TRIL: variants seen among roughly 807,000 people sequenced by gnomAD.
The protein encoded by TRIL is TLR4 interactor with leucine rich repeats.
Under a neutral mutation model 43.0 loss-of-function variants are expected in TRIL, and 23 were observed. The observed-to-expected ratio is 0.54, with a 90% confidence interval of 0.39 to 0.76. TRIL has a LOEUF of 0.76. Among genes scored for constraint, TRIL ranks in the 30% least tolerant of loss-of-function variants. The pLI, the probability that TRIL is intolerant of heterozygous loss-of-function variation, is 0.00. For synonymous variants in TRIL, 602 were observed against 556.8 expected (o/e 1.08, Z -1.14); for missense variants, 1,114 against 1,139.3 (o/e 0.98, Z 0.32).
chr7:28,958,011 C>T lies in TRIL; in HGVS notation c.36G>A (p.Val12=), dbSNP rs1335315090. ...GCGGGAGCGCGAGGCAGCCGCACAC[C>T]ACGAGCAGGAGGCGCAAGGCGCGGG... ...EAARALRLLL[V]VCGCLALPPL... Residue 12 remains valine, a synonymous_variant, in exon 1 of 1, where the codon GTG becomes GTA. Transcript: ENST00000539664. The T allele has an allele frequency of 6.3e-6, 10 of 1,590,100 alleles. No homozygotes were observed. Among genetic ancestry groups the T allele is most frequent in the African/African-American group, 1.3e-5 (1 of 74,608 alleles).
chr7:28,958,189 T>G lies in TRIL; in HGVS notation c.-143A>C. On this transcript the variant is annotated 5_prime_UTR_variant, in exon 1 of 1. Coordinates refer to ENST00000539664, the MANE Select transcript of TRIL (RefSeq NM_014817.4). ...GCGCCGTCCAGCCCCTCCTCCGTCC[T>G]TTGTCCGGAGGCCGGCCCGGGTCTC... 1 of 1,234,068 alleles carries G rather than the reference T, an allele frequency of 8.1e-7. No homozygotes were observed. Among genetic ancestry groups the G allele is most frequent in the Non-Finnish European group, 1.1e-6 (1 of 925,614 alleles). 76.4% of individuals were successfully genotyped at this position (1,234,068 alleles called of 1,614,324 possible). A position where few individuals can be genotyped will look rare whatever the true frequency, so the allele number is the denominator to read the frequency against.
In TRIL at chr7:28,957,429, G is replaced by A; in HGVS notation, c.618C>T (p.Arg206=). 6.2e-7 allele frequency: 1 copy of A among 1,613,496 alleles called. No homozygotes were observed. Among genetic ancestry groups the A allele is most frequent in the South Asian group, 1.1e-5 (1 of 91,090 alleles). Residue 206 remains arginine (R), a synonymous_variant, in exon 1 of 1, where the codon CGC becomes CGT. Transcript: ENST00000539664. ...GCTCGTTGGCAGAGAGGTTGAGGAA[G>A]CGCAGCTTGCCTAGCTGGGCGAAGG... is the stretch of plus-strand genomic sequence containing the variant. ...KNAFAQLGKL[R]FLNLSANELQ...
Position 28,958,197 on chromosome 7 carries a change from G to A in TRIL, c.-151C>T, listed in dbSNP as rs947064942. ...CAGCCCCTCCTCCGTCCTTTGTCCGGAGGCCGGCCCGGGTCTCTGCAGGCG... is the reference window on the plus strand; with the variant it reads ...CAGCCCCTCCTCCGTCCTTTGTCCGAAGGCCGGCCCGGGTCTCTGCAGGCG... On this transcript the variant is annotated 5_prime_UTR_variant, in exon 1 of 1. Transcript: ENST00000539664. The A allele has an allele frequency of 2.2e-5, 27 of 1,201,248 alleles. No individual in the cohort carries two copies. Among genetic ancestry groups the A allele is most frequent in the African/African-American group, 3.2e-5 (2 of 61,598 alleles). 74.4% of individuals were successfully genotyped at this position (1,201,248 alleles called of 1,614,324 possible).
In TRIL at chr7:28,956,604, G is replaced by A. The variant is rs1006521; in HGVS notation, c.1443C>T (p.Ala481=). ...AARELVGNRS[A]LRLSRRGPGL... ...CCGGGCCCCGCCGACTCAGCCTTAG[G>A]GCGCTGCGGTTGCCTACCAGCTCCC... is the stretch of plus-strand genomic sequence containing the variant. Residue 481 remains alanine, a synonymous_variant, in exon 1 of 1, where the codon GCC becomes GCT. Transcript: ENST00000539664. 0.62 allele frequency: 980,745 copies of A among 1,570,696 alleles called. 311,623 individuals carry two copies. The highest frequency in any genetic ancestry group is 0.66 in the Non-Finnish European group (767,414 of 1,165,182).
rs576122972 is a variant in TRIL at position 28,956,044 on chromosome 7, C to T, written c.2003G>A (p.Arg668His). 29 of 1,549,996 alleles carry T rather than the reference C, an allele frequency of 1.9e-5. No homozygotes were observed. In the South Asian group the frequency reaches 3.1e-4, roughly 16 times the overall value. The change falls in exon 1 of 1, where the codon CGT (arginine) becomes CAT (histidine). Residue 668 changes from arginine (R) to histidine (H), a missense_variant. Arg to His is a conservative substitution (Grantham distance 29). Coordinates refer to ENST00000539664, the MANE Select transcript of TRIL (RefSeq NM_014817.4). ...GTCCCGGGGAGCCACAGGGCAGACA[C>T]GGCCCCCAAGCACGCCCTCCACGCA... is the stretch of plus-strand genomic sequence containing the variant. The part of the protein sequence containing the change: ...LVCVEGVLGG[R>H]VCPVAPRDHC...
Position 28,957,031 on chromosome 7 carries a change from G to T in TRIL, c.1016C>A (p.Ala339Asp). 1 of 1,580,584 alleles carries T rather than the reference G, an allele frequency of 6.3e-7. No homozygotes were observed. Among genetic ancestry groups the T allele is most frequent in the Non-Finnish European group, 8.6e-7 (1 of 1,166,052 alleles). The change falls in exon 1 of 1, where the codon GCC becomes GAC. Residue 339 changes from alanine (A) to aspartate (D), a missense_variant. By Grantham distance (126) the Ala-to-Asp change is moderately radical. Coordinates refer to ENST00000539664, the MANE Select transcript of TRIL (RefSeq NM_014817.4). ...GGCGGCGAAGATGTCCCCGGATAGG[G>T]CGCTGAGCGCGTTGTTGCGCAGGCT... ...ELSLRNNALS[A>D]LSGDIFAASP...
At position 28,958,301 on chromosome 7, in the gene TRIL, T is replaced by C. The variant is rs1011200741; in HGVS notation, c.-255A>G. 1 of 452,628 alleles carries C rather than the reference T, an allele frequency of 2.2e-6. No homozygotes were observed. Among genetic ancestry groups the C allele is most frequent in the Non-Finnish European group, 3.9e-6 (1 of 255,320 alleles). The allele number at this position is 452,628 out of a possible 1,614,324, so 28.0% of individuals were successfully genotyped here. The stretch of plus-strand genomic sequence containing the variant: ...TACTTGTTGCATTTCTGTATAAAAC[T>C]GTTTCTCCGGGTGCGCGTCGGCGGG... On this transcript the variant is annotated 5_prime_UTR_variant, in exon 1 of 1. Coordinates refer to ENST00000539664, the MANE Select transcript of TRIL (RefSeq NM_014817.4).
rs1583884371 is a variant in TRIL, at chr7:28,955,750, C to G, written c.2297G>C (p.Arg766Pro). 1 of 1,550,348 alleles carries G rather than the reference C, an allele frequency of 6.5e-7. No homozygotes were observed. The highest frequency in any genetic ancestry group is 8.7e-7 in the Non-Finnish European group (1 of 1,146,880). ...SADFSGFQSHRPRTTVCALSE... is the reference protein window; with the variant it reads ...SADFSGFQSHPPRTTVCALSE... ...GAGCGCGCACACGGTGGTGCGTGGC[C>G]GGTGCGACTGGAATCCCGAGAAGTC... Residue 766 changes from arginine to proline, a missense_variant, in exon 1 of 1, where the codon CGG (arginine) becomes CCG (proline). Arg to Pro is a moderately radical substitution (Grantham distance 103, BLOSUM62 -2). Coordinates refer to ENST00000539664, the MANE Select transcript of TRIL (RefSeq NM_014817.4).
At position 28,955,830 on chromosome 7, in the gene TRIL, C is replaced by T. The variant is rs996736726; in HGVS notation, c.2217G>A (p.Arg739=). 6 of 1,549,708 alleles carry T rather than the reference C, an allele frequency of 3.9e-6. 1 individual carries two copies. In the South Asian group the frequency reaches 4.8e-5, roughly 12 times the overall value. Residue 739 remains arginine, a synonymous_variant, in exon 1 of 1, where the codon CGG becomes CGA. Coordinates refer to ENST00000539664, the MANE Select transcript of TRIL (RefSeq NM_014817.4). The part of the protein sequence containing the change: ...RRKGGAPVHV[R]HMYSTRRPLR... Reference sequence around the variant, plus strand: ...GGGGCCGTCGGGTGGAGTACATGTGCCGAACGTGGACCGGGGCCCCGCCCT... The same window carrying T: ...GGGGCCGTCGGGTGGAGTACATGTGTCGAACGTGGACCGGGGCCCCGCCCT...
At position 28,956,555 on chromosome 7, in the gene TRIL, C is replaced by T; in HGVS notation, c.1492G>A (p.Val498Ile). ...GPGLQQPSPS[V>I]AAAAGPAPQS... ...GGAGCCGGGCCCGCGGCGGCAGCGACGGAGGGGCTGGGCTGCTGGAGGCCC... is the reference window on the plus strand; with the variant it reads ...GGAGCCGGGCCCGCGGCGGCAGCGATGGAGGGGCTGGGCTGCTGGAGGCCC... The change falls in exon 1 of 1, where the codon GTC (valine) becomes ATC (isoleucine). Residue 498 changes from valine (V) to isoleucine (I), a missense_variant. Physicochemically the swap from Val to Ile is conservative, Grantham distance 29 (BLOSUM62 3). Transcript: ENST00000539664. The T allele has an allele frequency of 6.4e-7, 1 of 1,555,814 alleles. No homozygotes were observed. The highest frequency in any genetic ancestry group is 8.6e-7 in the Non-Finnish European group (1 of 1,159,268).
At position 28,954,099 on chromosome 7, in the gene TRIL, CCA is replaced by C. The variant is rs1783360971; in HGVS notation, c.*1510_*1511del. The C allele has an allele frequency of 1.3e-5, 2 of 152,482 alleles. No homozygotes were observed. Among genetic ancestry groups the C allele is most frequent in the South Asian group, 4.1e-4 (2 of 4,820 alleles). 9.4% of individuals were successfully genotyped at this position (152,482 alleles called of 1,614,324 possible). On this transcript the variant is annotated 3_prime_UTR_variant, in exon 1 of 1. Transcript: ENST00000539664. Reference sequence around the variant, plus strand: ...AAATCCATAACCACTGTGACCATAACCACAGTGTACATTCTCTTAGTGACTGC... The same window carrying C: ...AAATCCATAACCACTGTGACCATAACCAGTGTACATTCTCTTAGTGACTGC...
In TRIL at chr7:28,958,073, G is replaced by C. The variant is rs1378271416; in HGVS notation, c.-27C>G. 4 of 1,475,054 alleles carry C rather than the reference G, an allele frequency of 2.7e-6. No homozygotes were observed. In the East Asian group the frequency reaches 1.0e-4, roughly 37 times the overall value. The allele number at this position is 1,475,054 out of a possible 1,614,324, so 91.4% of individuals were successfully genotyped here. On this transcript the variant is annotated 5_prime_UTR_variant, in exon 1 of 1. Transcript: ENST00000539664. ...GCCTCCCGCCCTGCGTGCAGCGGCC[G>C]GATCGTCCTCTTGGCCCGCCGGCTC...
chr7:28,957,487 T>A lies in TRIL; in HGVS notation c.560A>T (p.Glu187Val), dbSNP rs757032274. 6.2e-7 allele frequency: 1 copy of A among 1,613,246 alleles called. No individual in the cohort carries two copies. The highest frequency in any genetic ancestry group is 1.7e-5 in the Admixed American group (1 of 60,008). ...GCCCAGAAAGCGGATCCGGTTGGAC[T>A]CCAGATGTAGGTAGAGCAGGTTGCC... The part of the protein sequence containing the change: ...PLGNLLYLHL[E>V]SNRIRFLGKN... Residue 187 changes from glutamate (E) to valine (V), a missense_variant, in exon 1 of 1, where the codon GAG becomes GTG. Glu to Val is a moderately radical substitution (Grantham distance 121). Transcript: ENST00000539664.
Position 28,957,888 on chromosome 7 carries a change from G to C in TRIL, c.159C>G (p.Ser53Arg). 2 of 1,613,314 alleles carry C rather than the reference G, an allele frequency of 1.2e-6. No individual in the cohort carries two copies. The highest frequency in any genetic ancestry group is 1.7e-6 in the Non-Finnish European group (2 of 1,179,838). ...NRGLRVVPKT[S>R]SLPSPHDVLT... ...GCACGTCGTGGGGGCTCGGCAGCGA[G>C]CTGGTCTTGGGCACTACGCGGAGCC... is the stretch of plus-strand genomic sequence containing the variant. The change falls in exon 1 of 1, where the codon AGC becomes AGG. Residue 53 changes from serine to arginine, a missense_variant. Ser to Arg is a moderately radical substitution (Grantham distance 110). Coordinates refer to ENST00000539664, the MANE Select transcript of TRIL (RefSeq NM_014817.4).
Position 28,957,034 on chromosome 7 carries a change from C to G in TRIL, c.1013G>C (p.Ser338Thr), listed in dbSNP as rs1318436554. 1.9e-6 allele frequency: 3 copies of G among 1,581,260 alleles called. No individual in the cohort carries two copies. In the South Asian group the frequency reaches 3.4e-5, roughly 18 times the overall value. Residue 338 changes from serine to threonine, a missense_variant, in exon 1 of 1, where the codon AGC becomes ACC. Transcript: ENST00000539664. ...RELSLRNNAL[S>T]ALSGDIFAAS... ...GGCGAAGATGTCCCCGGATAGGGCGCTGAGCGCGTTGTTGCGCAGGCTGAG... is the reference window on the plus strand; with the variant it reads ...GGCGAAGATGTCCCCGGATAGGGCGGTGAGCGCGTTGTTGCGCAGGCTGAG...
Position 28,956,746 on chromosome 7 carries a change from G to A in TRIL, c.1301C>T (p.Thr434Met). The A allele has an allele frequency of 1.2e-6, 2 of 1,606,820 alleles. No individual in the cohort carries two copies. Among genetic ancestry groups the A allele is most frequent in the Non-Finnish European group, 8.5e-7 (1 of 1,179,124 alleles). Reference sequence around the variant, plus strand: ...TGGCGTCATCTCCTCCCCTGCGGCCGTGGGTAGGGGCTGCCGCCTGCGGTC... The same window carrying A: ...TGGCGTCATCTCCTCCCCTGCGGCCATGGGTAGGGGCTGCCGCCTGCGGTC... ...TADRRRQPLPTAAGEEMTPPA... is the reference protein window; with the variant it reads ...TADRRRQPLPMAAGEEMTPPA... Residue 434 changes from threonine to methionine, a missense_variant, in exon 1 of 1, where the codon ACG becomes ATG. Thr to Met is a moderately conservative substitution (Grantham distance 81). Coordinates refer to ENST00000539664, the MANE Select transcript of TRIL (RefSeq NM_014817.4).
Position 28,956,022 on chromosome 7 carries a change from C to T in TRIL, c.2025G>A (p.Arg675=). 2 of 1,550,046 alleles carry T rather than the reference C, an allele frequency of 1.3e-6. No individual in the cohort carries two copies. The highest frequency in any genetic ancestry group is 1.7e-6 in the Non-Finnish European group (2 of 1,152,614). Residue 675 remains arginine (R), a synonymous_variant, in exon 1 of 1, where the codon CGG becomes CGA. Transcript: ENST00000539664. ...LGGRVCPVAP[R]DHCAGLVTLP... Reference sequence around the variant, plus strand: ...GGGTGACCAGCCCCGCGCAGTGGTCCCGGGGAGCCACAGGGCAGACACGGC... The same window carrying T: ...GGGTGACCAGCCCCGCGCAGTGGTCTCGGGGAGCCACAGGGCAGACACGGC...
rs1783383191 is a variant in TRIL at position 28,955,546 on chromosome 7, G to A, written c.*65C>T. On this transcript the variant is annotated 3_prime_UTR_variant, in exon 1 of 1. Coordinates refer to ENST00000539664, the MANE Select transcript of TRIL (RefSeq NM_014817.4). Reference sequence around the variant, plus strand: ...CAAAACGGCACTTCCCCTGAGGTGGGCTGGTGGGCCTCACGGAGAGGCGGC... The same window carrying A: ...CAAAACGGCACTTCCCCTGAGGTGGACTGGTGGGCCTCACGGAGAGGCGGC... 1 of 1,446,268 alleles carries A rather than the reference G, an allele frequency of 6.9e-7. No homozygotes were observed. Among genetic ancestry groups the A allele is most frequent in the South Asian group, 1.4e-5 (1 of 69,292 alleles). 89.6% of individuals were successfully genotyped at this position (1,446,268 alleles called of 1,614,324 possible).
Position 28,955,756 on chromosome 7 carries a change from G to A in TRIL, c.2291C>T (p.Ser764Leu), listed in dbSNP as rs1349253839. The A allele has an allele frequency of 3.2e-6, 5 of 1,550,258 alleles. No homozygotes were observed. In the African/African-American group the frequency reaches 5.5e-5, roughly 17 times the overall value. ...GCACACGGTGGTGCGTGGCCGGTGC[G>A]ACTGGAATCCCGAGAAGTCGGCGGA... Reference protein sequence around the residue: ...GVSADFSGFQSHRPRTTVCAL... With the variant: ...GVSADFSGFQLHRPRTTVCAL... The change falls in exon 1 of 1, where the codon TCG (serine) becomes TTG (leucine). Residue 764 changes from serine to leucine, a missense_variant. Transcript: ENST00000539664.
Sources: allele counts gnomAD v4.1 joint callset, GRCh38; gene constraint gnomAD v4.1.1; transcripts MANE v1.5; gene names NCBI Gene and HGNC (gene_info 2026-07-23, HGNC 2026-07-21).